Variants in C15orf61 observed in about 807,000 individuals in gnomAD.
C15orf61 encodes the protein uncharacterized protein C15orf61.
In C15orf61, 12 loss-of-function variants were observed where a neutral mutation model predicts 13.7. The ratio of observed to expected loss-of-function variants is 0.88; its 90% CI spans 0.56 to 1.42. The LOEUF is 1.42. Among genes scored for constraint, C15orf61 ranks in the 40% most tolerant of loss-of-function variants. The pLI is 0.00. For missense variants in C15orf61, 248 were observed against 213.2 expected (o/e 1.16, Z -1.02); for synonymous variants, 92 against 94.1 (o/e 0.98, Z 0.13).
intron 1 of C15orf61, among the ~76,000 whole-genome samples, chr15:67,522,896 T>G (rs994318034): frequency 2.6e-5 from 4 of 152,226 alleles, no homozygotes; most frequent in African/African-American, 9.6e-5. Context: ...GTTGACATTT[T>G]GTTTAAGAGC....
intron 1 of C15orf61, among the ~76,000 whole-genome samples, chr15:67,524,765 A>C (rs1231531671): frequency 6.6e-6 from 1 of 152,030 alleles, no homozygotes; most frequent in Admixed American, 6.5e-5. Flanking sequence ...CACAGCAAAT[A>C]TATTCTTGCA....
At chr15:67,521,706 G>C (rs1385553627) in intron 1 of C15orf61, 112 bp downstream of exon 1, 1 of 1,125,604 alleles carries the variant, frequency 8.9e-7, no homozygotes, top group Non-Finnish European at 1.2e-6. Flanking sequence ...GCGGGAGTCA[G>C]CTCTGCCTCC....
chr15:67,523,078 T>A (rs182388518), intron 1 of C15orf61, among the ~76,000 whole-genome samples: 33 of 152,308 alleles, frequency 2.2e-4, no homozygotes, highest in Admixed American at 8.5e-4. Context: ...AGTGATTTAA[T>A]GGTCTGTATG....
chr15:67,524,501 A>G (rs2084187579), intron 1 of C15orf61, among the ~76,000 whole-genome samples: 1 of 152,034 alleles, frequency 6.6e-6, no homozygotes, highest in African/African-American at 2.4e-5. Context: ...GGACATTATC[A>G]GGGCAAAGAA....
chr15:67,523,130 G>C (rs542016348), intron 1 of C15orf61, among the ~76,000 whole-genome samples: 1 of 152,280 alleles, frequency 6.6e-6, no homozygotes, highest in South Asian at 2.1e-4. Context: ...ATGGGAGTAA[G>C]AGTTCTAAGT....
Position 67,521,401 on chromosome 15 carries a change from C to A in C15orf61, c.153C>A (p.Phe51Leu). Reference protein sequence around the residue: ...LQRRLPHWTSFCVPYSAVRND... With the variant: ...LQRRLPHWTSLCVPYSAVRND... ...GGCGCCTGCCGCACTGGACCTCCTTCTGCGTGCCCTACAGCGCCGTCCGCA... is the reference window on the plus strand; with the variant it reads ...GGCGCCTGCCGCACTGGACCTCCTTATGCGTGCCCTACAGCGCCGTCCGCA... Residue 51 changes from phenylalanine (F) to leucine (L), a missense_variant, in exon 1 of 2, where the codon TTC becomes TTA. Coordinates refer to ENST00000342683, the MANE Select transcript of C15orf61 (RefSeq NM_001143936.2). 1 of 1,542,976 alleles carries A rather than the reference C, an allele frequency of 6.5e-7. No individual in the cohort carries two copies. The highest frequency in any genetic ancestry group is 8.7e-7 in the Non-Finnish European group (1 of 1,146,578).
chr15:67,526,712 T>C lies in C15orf61; in HGVS notation c.*167T>C. The C allele has an allele frequency of 5.2e-6, 3 of 577,944 alleles. No individual in the cohort carries two copies. The highest frequency in any genetic ancestry group is 8.3e-6 in the Non-Finnish European group (3 of 359,766). The allele number at this position is 577,944 out of a possible 1,614,324, so 35.8% of individuals were successfully genotyped here. On this transcript the variant is annotated 3_prime_UTR_variant, in exon 2 of 2. Transcript: ENST00000342683. ...CTCAAGAGGTGAAGCTTTTTATACA[T>C]CGTTATATATTACATACTCTGTTTA...
Position 67,528,742 on chromosome 15 carries a change from T to A in C15orf61, c.*2197T>A, listed in dbSNP as rs1313711429. 2.0e-5 allele frequency: 3 copies of A among 152,214 alleles called. No homozygotes were observed. The highest frequency in any genetic ancestry group is 4.4e-5 in the Non-Finnish European group (3 of 68,022). 9.4% of individuals were successfully genotyped at this position (152,214 alleles called of 1,614,324 possible). On this transcript the variant is annotated 3_prime_UTR_variant, in exon 2 of 2. Coordinates refer to ENST00000342683, the MANE Select transcript of C15orf61 (RefSeq NM_001143936.2). ...GCTGTCTTACTTTTTGACCTCAGGC[T>A]AATAACTCTCCTCCTTTGTGTCTTG...
At chr15:67,521,749 C>G (rs2084165410) in intron 1 of C15orf61, 155 bp downstream of exon 1, 1 of 800,410 alleles carries the variant, frequency 1.2e-6, no homozygotes, top group Non-Finnish European at 1.9e-6. Context: ...CCTTTGTACT[C>G]CTCGCCCAGG....
Position 67,521,628 on chromosome 15 carries a change from C to T in C15orf61, c.346+34C>T, listed in dbSNP as rs1375329180. On this transcript the variant is annotated intron_variant, in intron 1 of 1. Transcript: ENST00000342683. Reference sequence around the variant, plus strand: ...CGACTGCCGCGCCCACGCGGTGAAGCCCGCCCGGCCGGGACGGCCCCTCAG... The same window carrying T: ...CGACTGCCGCGCCCACGCGGTGAAGTCCGCCCGGCCGGGACGGCCCCTCAG... The T allele has an allele frequency of 2.1e-6, 3 of 1,454,666 alleles. No homozygotes were observed. In the East Asian group the frequency reaches 7.5e-5, roughly 37 times the overall value. 90.1% of individuals were successfully genotyped at this position (1,454,666 alleles called of 1,614,324 possible).
Position 67,526,494 on chromosome 15 carries a change from AC to A in C15orf61, c.426del (p.Ile143Ter). The A allele has an allele frequency of 6.5e-7, 1 of 1,537,780 alleles. No homozygotes were observed. The highest frequency in any genetic ancestry group is 8.8e-7 in the Non-Finnish European group (1 of 1,136,566). ...VTETVHTSYG[P>X]ITVYFLNKED... ...CAGAGACTGTGCATACCAGTTATGGACCCATAACAGTTTATTTTCTCAATAA... is the reference window on the plus strand; with the variant it reads ...CAGAGACTGTGCATACCAGTTATGGACCATAACAGTTTATTTTCTCAATAA... On this transcript the variant is annotated frameshift_variant, in exon 2 of 2. Transcript: ENST00000342683. LOFTEE classifies it high-confidence loss of function.
chr15:67,521,680 A>T (rs1486008320), intron 1 of C15orf61, 86 bp downstream of exon 1: 1 of 1,268,072 alleles, frequency 7.9e-7, no homozygotes, highest in Non-Finnish European at 1.1e-6. Context: ...GAACGCTCGC[A>T]GGCCGGTAGA....
At position 67,521,555 on chromosome 15, in the gene C15orf61, C is replaced by A; in HGVS notation, c.307C>A (p.Gln103Lys). The change falls in exon 1 of 2, where the codon CAG (glutamine) becomes AAG (lysine). Residue 103 changes from glutamine (Q) to lysine (K), a missense_variant. Physicochemically the swap from Gln to Lys is moderately conservative, Grantham distance 53 (BLOSUM62 1). Coordinates refer to ENST00000342683, the MANE Select transcript of C15orf61 (RefSeq NM_001143936.2). ...SKAPWQDLAR[Q>K]NRFFTALKVV... ...GGCTCCCTGGCAGGACCTGGCCCGG[C>A]AGAACCGCTTCTTCACGGCGCTCAA... 1 of 1,542,778 alleles carries A rather than the reference C, an allele frequency of 6.5e-7. No individual in the cohort carries two copies. The highest frequency in any genetic ancestry group is 8.8e-7 in the Non-Finnish European group (1 of 1,142,626).
Position 67,521,162 on chromosome 15 carries a change from C to T in C15orf61, c.-87C>T. On this transcript the variant is annotated 5_prime_UTR_variant, in exon 1 of 2. Coordinates refer to ENST00000342683, the MANE Select transcript of C15orf61 (RefSeq NM_001143936.2). ...GGGGCTCTCGGGCACCCGCGCGGCG[C>T]CGGTTGGCCTTCCCGGCGCTCGCCC... 5.4e-6 allele frequency: 5 copies of T among 927,884 alleles called. No individual in the cohort carries two copies. Among genetic ancestry groups the T allele is most frequent in the Non-Finnish European group, 6.8e-6 (5 of 739,410 alleles). The allele number at this position is 927,884 out of a possible 1,614,324, so 57.5% of individuals were successfully genotyped here. A position where few individuals can be genotyped will look rare whatever the true frequency, so the allele number is the denominator to read the frequency against.
intron 1 of C15orf61, 99 bp from the exon 2 acceptor site, chr15:67,526,319 C>T (rs1350395738): frequency 1.0e-5 from 7 of 683,956 alleles, no homozygotes; most frequent in South Asian, 3.1e-5. Flanking sequence ...TATTTTATCA[C>T]ATTGTAATTT....
intron 1 of C15orf61, 52 bp downstream of exon 1, chr15:67,521,646 C>T (rs2084163934): frequency 7.1e-7 from 1 of 1,402,244 alleles, no homozygotes; most frequent in Non-Finnish European, 9.6e-7. Flanking sequence ...GCCGGGACGG[C>T]CCCTCAGCCA....
intron 1 of C15orf61, chr15:67,522,310 A>G: frequency 1.5e-6 from 1 of 685,158 alleles, no homozygotes; most frequent in Admixed American, 2.2e-5. Flanking sequence ...AGATGTTTTG[A>G]ACTTACTAAT....
Position 67,526,897 on chromosome 15 carries a change from AG to A in C15orf61, c.*358del, listed in dbSNP as rs1459135370. The A allele has an allele frequency of 1.3e-5, 2 of 159,242 alleles. No homozygotes were observed. The highest frequency in any genetic ancestry group is 2.0e-4 in the South Asian group (1 of 4,894). The allele number at this position is 159,242 out of a possible 1,614,324, so 9.9% of individuals were successfully genotyped here. On this transcript the variant is annotated 3_prime_UTR_variant, in exon 2 of 2. Coordinates refer to ENST00000342683, the MANE Select transcript of C15orf61 (RefSeq NM_001143936.2). ...AATATAGATGCCCACACAAAAGAGA[AG>A]GGGGGAAAATCTTTTATGTAACAAT... is the stretch of plus-strand genomic sequence containing the variant.
At position 67,521,224 on chromosome 15, in the gene C15orf61, G is replaced by A. The variant is rs147572475; in HGVS notation, c.-25G>A. ...TGCGCGCCAGCGGCTGCGGACACCA[G>A]CCTGCGTCCCCGGCGCGGCGGGCCA... On this transcript the variant is annotated 5_prime_UTR_variant, in exon 1 of 2. Coordinates refer to ENST00000342683, the MANE Select transcript of C15orf61 (RefSeq NM_001143936.2). 2 of 1,208,554 alleles carry A rather than the reference G, an allele frequency of 1.7e-6. No homozygotes were observed. Among genetic ancestry groups the A allele is most frequent in the East Asian group, 3.2e-5 (1 of 30,846 alleles). The allele number at this position is 1,208,554 out of a possible 1,614,324, so 74.9% of individuals were successfully genotyped here.
Sources: allele counts gnomAD v4.1 joint callset (sites outside exome capture counted in the v4.1 genomes callset), GRCh38; gene constraint gnomAD v4.1.1; transcripts MANE v1.5; gene names NCBI Gene and HGNC (gene_info 2026-07-23, HGNC 2026-07-21).